The following PLCB1 variants were observed in gnomAD, a reference collection of about 807,000 sequenced individuals.
The protein encoded by PLCB1 is phospholipase C beta 1, also known as 1-phosphatidylinositol 4,5-bisphosphate phosphodiesterase beta-1.
In PLCB1, 46 loss-of-function variants were observed where a neutral mutation model predicts 161.8. That is an observed-to-expected ratio of 0.28 (90% confidence interval 0.22 to 0.36). The LOEUF (loss-of-function observed/expected upper bound fraction) is 0.36, where lower values mean the gene tolerates loss of function less well. PLCB1 is among the 10% of genes least tolerant of loss of function. The pLI is 1.00. For synonymous variants in PLCB1, 517 were observed against 503.7 expected (o/e 1.03, Z -0.35); for missense variants, 1,016 against 1,472.5 (o/e 0.69, Z 5.07).
chr20:8,784,562 C>CAA (rs5840284), intron 27 of PLCB1, among the ~76,000 whole-genome samples: 4 of 137,582 alleles, frequency 2.9e-5, no homozygotes, highest in African/African-American at 8.1e-5. Flanking sequence ...CACTGTATCT[C>CAA]AAAAAAAAAA....
chr20:8,231,106 C>T (rs1980007877), intron 2 of PLCB1, among the ~76,000 whole-genome samples: 1 of 152,136 alleles, frequency 6.6e-6, no homozygotes, highest in South Asian at 2.1e-4. Context: ...TTCTAGAAAC[C>T]ATCCCATGCT....
chr20:8,470,567 A>T (rs952730211), intron 3 of PLCB1, among the ~76,000 whole-genome samples: 1 of 152,052 alleles, frequency 6.6e-6, no homozygotes, highest in African/African-American at 2.4e-5. Flanking sequence ...ATCCTTTGAG[A>T]CAAGGTCTCA....
At chr20:8,401,989 T>C (rs2122476281) in intron 3 of PLCB1, among the ~76,000 whole-genome samples, 1 of 152,330 alleles carries the variant, frequency 6.6e-6, no homozygotes, top group Non-Finnish European at 1.5e-5. Flanking sequence ...TATTTTTTTC[T>C]CATTGATTTG....
chr20:8,391,306 C>G (rs1231405503), intron 3 of PLCB1, among the ~76,000 whole-genome samples: 1 of 151,942 alleles, frequency 6.6e-6, no homozygotes, highest in Non-Finnish European at 1.5e-5. Context: ...AAACACCTAC[C>G]CCCAGAGAAC....
chr20:8,269,741 C>A (rs1982178389), intron 2 of PLCB1, among the ~76,000 whole-genome samples: 1 of 152,012 alleles, frequency 6.6e-6, no homozygotes, highest in South Asian at 2.1e-4. Context: ...CAGTAAGATA[C>A]AAAAATGTTC....
intron 4 of PLCB1, among the ~76,000 whole-genome samples, chr20:8,631,455 G>A (rs964548245): frequency 6.6e-6 from 1 of 152,166 alleles, no homozygotes; most frequent in African/African-American, 2.4e-5. Context: ...CAGCTTTTTG[G>A]TCTAGATTCA....
rs1448412018 is a variant in PLCB1 at position 8,686,194 on chromosome 20, CTG to C, written c.1009+1118_1009+1119del. Among the ~76,000 whole-genome samples the C allele has an allele frequency of 5.3e-5, 8 of 152,292 alleles. 1 individual carries two copies. In the East Asian group the frequency reaches 1.5e-3, roughly 29 times the overall value. On this transcript the variant is annotated intron_variant, in intron 10 of 31. Coordinates refer to ENST00000338037, the MANE Select transcript of PLCB1 (RefSeq NM_015192.4). ...TTTTGTGTAGAGGTTAAAATTAAAA[CTG>C]TAACCATTCTTTCTCATCCAAGTTC...
At chr20:8,442,912 T>A (rs1009233020) in intron 3 of PLCB1, among the ~76,000 whole-genome samples, 6 of 152,114 alleles carry the variant, frequency 3.9e-5, no homozygotes, top group African/African-American at 1.4e-4. Flanking sequence ...AAGCCCAGAT[T>A]TCAGGAAAGT....
At chr20:8,760,032 G>A (rs1025596836) in intron 24 of PLCB1, among the ~76,000 whole-genome samples, 1 of 149,428 alleles carries the variant, frequency 6.7e-6, no homozygotes. Flanking sequence ...CAGCCAACCA[G>A]GTAGCTGGGA....
intron 3 of PLCB1, among the ~76,000 whole-genome samples, chr20:8,519,135 G>A (rs1984251605): frequency 1.3e-5 from 2 of 152,032 alleles, no homozygotes; most frequent in African/African-American, 4.8e-5. Flanking sequence ...TGGCTCAGGG[G>A]TTGGGGACTC....
chr20:8,866,976 C>G (rs541680280), intron 31 of PLCB1, among the ~76,000 whole-genome samples: 10 of 152,224 alleles, frequency 6.6e-5, no homozygotes, highest in Non-Finnish European at 1.2e-4. Flanking sequence ...CCTGATAAAA[C>G]CCTAGGACGG....
intron 2 of PLCB1, among the ~76,000 whole-genome samples, chr20:8,168,403 A>G (rs553683556): frequency 6.6e-6 from 1 of 152,268 alleles, no homozygotes; most frequent in East Asian, 1.9e-4. Flanking sequence ...CACCTGGACA[A>G]TTGTGTTAAT....
At chr20:8,654,765 A>T (rs1600228805) in intron 7 of PLCB1, among the ~76,000 whole-genome samples, 1 of 152,030 alleles carries the variant, frequency 6.6e-6, no homozygotes, top group East Asian at 1.9e-4. Context: ...CGTGCCATTC[A>T]CTTCACCAAG....
intron 3 of PLCB1, among the ~76,000 whole-genome samples, chr20:8,510,580 G>A (rs978940177): frequency 4.0e-5 from 6 of 151,728 alleles, no homozygotes; most frequent in African/African-American, 7.3e-5. Flanking sequence ...TAGTAGAGGC[G>A]AGGTTTCGCC....
At chr20:8,504,651 C>T (rs1983559110) in intron 3 of PLCB1, among the ~76,000 whole-genome samples, 1 of 152,050 alleles carries the variant, frequency 6.6e-6, no homozygotes, top group African/African-American at 2.4e-5. Flanking sequence ...TCTGACCTCA[C>T]CCTAAAAACA....
chr20:8,335,024 C>T (rs1174204243), intron 2 of PLCB1, among the ~76,000 whole-genome samples: 2 of 152,186 alleles, frequency 1.3e-5, no homozygotes, highest in African/African-American at 4.8e-5. Flanking sequence ...AATGCTAAGT[C>T]TTAATGAATG....
chr20:8,830,236 A>G (rs185910414), intron 31 of PLCB1, among the ~76,000 whole-genome samples: 57 of 152,350 alleles, frequency 3.7e-4, no homozygotes, highest in Middle Eastern at 6.8e-3. Flanking sequence ...GGAACAGTGC[A>G]GGATCAGAAA....
At chr20:8,487,484 T>C (rs553812117) in intron 3 of PLCB1, among the ~76,000 whole-genome samples, 1 of 152,302 alleles carries the variant, frequency 6.6e-6, no homozygotes, top group South Asian at 2.1e-4. Context: ...TTTGCAACAA[T>C]CATCTGTGGT....
At chr20:8,832,690 T>A (rs1458270006) in intron 31 of PLCB1, among the ~76,000 whole-genome samples, 2 of 152,246 alleles carry the variant, frequency 1.3e-5, no homozygotes, top group African/African-American at 4.8e-5. Context: ...ATCGAAAGCC[T>A]GGCCCACAGG....
Sources: gnomAD v4.1 joint callset for allele counts (sites outside exome capture counted in the v4.1 genomes callset) on GRCh38, gnomAD v4.1.1 for gene constraint, MANE v1.5 for transcripts, NCBI Gene and HGNC (gene_info 2026-07-23, HGNC 2026-07-21) for gene names.